The following USH2A variants were observed in gnomAD, a reference collection of about 807,000 sequenced individuals.
USH2A encodes the protein usherin.
A neutral mutation model predicts 538.9 loss-of-function variants in USH2A; 443 were observed. The observed-to-expected ratio is 0.82, with a 90% CI of 0.76 to 0.89. The LOEUF (loss-of-function observed/expected upper bound fraction) is 0.89. USH2A is among the 40% of genes least tolerant of loss of function. The pLI is 0.00. For missense variants in USH2A, 6,633 were observed against 6,324.8 expected (o/e 1.05, Z -1.65); for synonymous variants, 2,413 against 2,273.5 (o/e 1.06, Z -1.75).
At chr1:215,926,980 T>G (rs1277672920) in intron 38 of USH2A, among the ~76,000 whole-genome samples, 3 of 152,112 alleles carry the variant, frequency 2.0e-5, no homozygotes, top group African/African-American at 7.2e-5. Flanking sequence ...CAGAGATGGA[T>G]AGTTGACTAC....
At chr1:215,685,499 A>G (rs1182660826) in intron 61 of USH2A, among the ~76,000 whole-genome samples, 1 of 151,884 alleles carries the variant, frequency 6.6e-6, no homozygotes, top group Non-Finnish European at 1.5e-5. Flanking sequence ...CTGGGATTAC[A>G]GGCACCCGCC....
At chr1:215,880,505 G>A (rs961140924) in intron 41 of USH2A, among the ~76,000 whole-genome samples, 1 of 152,172 alleles carries the variant, frequency 6.6e-6, no homozygotes, top group Non-Finnish European at 1.5e-5. Context: ...AGTTTTAGAT[G>A]TGTTCCTTAT....
chr1:215,786,908 G>T (rs1056625676), intron 51 of USH2A, 34 bp from the exon 52 acceptor site: 2 of 1,603,462 alleles, frequency 1.2e-6, no homozygotes, highest in Non-Finnish European at 8.5e-7. Context: ...AGAGAGAGGG[G>T]TATTTAAAAA....
intron 34 of USH2A, among the ~76,000 whole-genome samples, chr1:215,995,016 A>G (rs1026954372): frequency 1.3e-5 from 2 of 152,104 alleles, no homozygotes; most frequent in Admixed American, 6.6e-5. Context: ...GCAGCTTCTT[A>G]TTGTTAAACT....
intron 35 of USH2A, among the ~76,000 whole-genome samples, chr1:215,985,571 G>A (rs931229843): frequency 7.2e-5 from 11 of 152,184 alleles, no homozygotes; most frequent in African/African-American, 2.6e-4. Context: ...CTAGTTATGG[G>A]AATTAAAGTG....
intron 40 of USH2A, among the ~76,000 whole-genome samples, chr1:215,890,582 C>A (rs1018246844): frequency 6.6e-6 from 1 of 152,140 alleles, no homozygotes; most frequent in East Asian, 1.9e-4. Context: ...ACCCTAAAAC[C>A]AGCAGTCATG....
At chr1:215,787,797 A>G (rs1661844092) in intron 51 of USH2A, among the ~76,000 whole-genome samples, 1 of 152,076 alleles carries the variant, frequency 6.6e-6, no homozygotes, top group Admixed American at 6.6e-5. Context: ...TAATCCCAAC[A>G]CTTTGGGAGG....
At chr1:215,759,633 G>C (rs771311784) in intron 57 of USH2A, 27 bp downstream of exon 57, 4 of 1,613,208 alleles carry the variant, frequency 2.5e-6, no homozygotes, top group Non-Finnish European at 3.4e-6. Context: ...CCTGCTGTAT[G>C]ATTGGTAAAG....
At chr1:215,806,473 CT>C (rs1662503826) in intron 49 of USH2A, among the ~76,000 whole-genome samples, 1 of 152,052 alleles carries the variant, frequency 6.6e-6, no homozygotes, top group Admixed American at 6.6e-5. Context: ...CTCCAAGATC[CT>C]CTGGGGCAAA....
Position 215,680,704 on chromosome 1 carries a change from T to G in USH2A, c.12067-328A>C, listed in dbSNP as rs564361708. Among the ~76,000 whole-genome samples the G allele has an allele frequency of 2.0e-3, 297 of 151,796 alleles. 1 individual carries two copies. Among genetic ancestry groups the G allele is most frequent in the African/African-American group, 6.7e-3 (278 of 41,406 alleles). On this transcript the variant is annotated intron_variant, in intron 61 of 71. Coordinates refer to ENST00000307340, the MANE Select transcript of USH2A (RefSeq NM_206933.4). ...AAAACATGATGCTTCAGATCAGTGC[T>G]GCATCCAGCTCAAAATGGAAATCAG... is the stretch of plus-strand genomic sequence containing the variant.
At chr1:215,989,252 C>A (rs1667949816) in intron 35 of USH2A, among the ~76,000 whole-genome samples, 1 of 152,116 alleles carries the variant, frequency 6.6e-6, no homozygotes, top group South Asian at 2.1e-4. Flanking sequence ...GATTTTGAAA[C>A]CTGAGTGTGC....
At chr1:216,028,866 A>T (rs1205583054) in intron 32 of USH2A, among the ~76,000 whole-genome samples, 4 of 152,138 alleles carry the variant, frequency 2.6e-5, no homozygotes, top group African/African-American at 9.6e-5. Context: ...TTAGTATATT[A>T]TAAAGTGGTA....
intron 21 of USH2A, among the ~76,000 whole-genome samples, chr1:216,124,274 C>A (rs1248082350): frequency 6.6e-6 from 1 of 151,966 alleles, no homozygotes; most frequent in Non-Finnish European, 1.5e-5. Context: ...CGAATTCAGA[C>A]AACAATATAT....
chr1:215,939,216 G>C (rs766086349), intron 37 of USH2A, among the ~76,000 whole-genome samples: 2 of 152,104 alleles, frequency 1.3e-5, no homozygotes, highest in Non-Finnish European at 2.9e-5. Context: ...AGGAAGAAAA[G>C]ATTTTTTGTG....
At chr1:215,905,551 C>G (rs1558154226) in intron 38 of USH2A, among the ~76,000 whole-genome samples, 2 of 152,038 alleles carry the variant, frequency 1.3e-5, no homozygotes, top group African/African-American at 2.4e-5. Context: ...AAAAAGAGTA[C>G]TCAGCACAAA....
chr1:216,037,968 T>G (rs1343432842), intron 32 of USH2A, among the ~76,000 whole-genome samples: 2 of 152,116 alleles, frequency 1.3e-5, no homozygotes, highest in Admixed American at 6.6e-5. Context: ...GTTAGCTTGC[T>G]AAGTTTAATG....
Position 216,199,691 on chromosome 1 carries a change from A to G in USH2A, c.3747T>C (p.Pro1249=), listed in dbSNP as rs1331452710. The part of the protein sequence containing the change: ...AQAPPQRLSP[P]KMQKISSTEL... ...CTGTAGAACTGATTTTCTGCATCTT[A>G]GGTGGACTTAGTCTTTGGGGAGGGG... is the stretch of plus-strand genomic sequence containing the variant. The change falls in exon 17 of 72, where the codon CCT becomes CCC. Residue 1249 remains proline, a synonymous_variant. Transcript: ENST00000307340. 1 of 1,614,068 alleles carries G rather than the reference A, an allele frequency of 6.2e-7. No homozygotes were observed. The highest frequency in any genetic ancestry group is 1.7e-5 in the Admixed American group (1 of 60,008).
chr1:216,042,110 T>C (rs754578115), intron 32 of USH2A, among the ~76,000 whole-genome samples: 58 of 152,204 alleles, frequency 3.8e-4, no homozygotes, highest in Middle Eastern at 6.8e-3. Flanking sequence ...TGAGATGGAA[T>C]ATAATGTTAT....
chr1:216,355,305 C>CAGAAAGAAAGAAAGAAAGAAAGAAAG (rs2038362864), intron 4 of USH2A, among the ~76,000 whole-genome samples: 5 of 64,460 alleles, frequency 7.8e-5, no homozygotes, highest in African/African-American at 4.6e-4. Context: ...GACTCTGCTT[C>CAGAAAGAAAGAAAGAAAGAAAGAAAG]AAAAAGAAAG....
Sources: gnomAD v4.1 joint callset for allele counts (sites outside exome capture counted in the v4.1 genomes callset) on GRCh38, gnomAD v4.1.1 for gene constraint, MANE v1.5 for transcripts, NCBI Gene and HGNC (gene_info 2026-07-23, HGNC 2026-07-21) for gene names.